Variants in CCDC83 observed in about 807,000 individuals in gnomAD.
CCDC83 encodes coiled-coil domain-containing protein 83.
Under a neutral mutation model 50.1 loss-of-function variants are expected in CCDC83, and 54 were observed. The ratio of observed to expected loss-of-function variants is 1.08; its 90% CI spans 0.87 to 1.35. The LOEUF (loss-of-function observed/expected upper bound fraction) is 1.35, where lower values mean the gene tolerates loss of function less well. Among genes scored for constraint, CCDC83 ranks in the 40% most tolerant of loss-of-function variants. The probability of loss-of-function intolerance (pLI) is 0.00; values close to 1 mark genes in which losing one functional copy is unlikely to be tolerated. For synonymous variants in CCDC83, 161 were observed against 153.3 expected (o/e 1.05, Z -0.37); for missense variants, 518 against 473.9 (o/e 1.09, Z -0.86).
chr11:85,885,308 G>C (rs939265370), intron 4 of CCDC83, among the ~76,000 whole-genome samples: 1 of 152,150 alleles, frequency 6.6e-6, no homozygotes, highest in Non-Finnish European at 1.5e-5. Flanking sequence ...ACCCTGGCCT[G>C]ATTGAAATGC....
chr11:85,884,558 G>T (rs1592158154), intron 4 of CCDC83, among the ~76,000 whole-genome samples: 1 of 152,194 alleles, frequency 6.6e-6, no homozygotes, highest in East Asian at 1.9e-4. Flanking sequence ...TAAGCATAAA[G>T]GGGATGTTAG....
At chr11:85,870,646 GC>G in intron 2 of CCDC83, among the ~76,000 whole-genome samples, 1 of 152,160 alleles carries the variant, frequency 6.6e-6, no homozygotes, top group South Asian at 2.1e-4. Context: ...AGGAGTTCAA[GC>G]CCAGCCTGGG....
In CCDC83 at chr11:85,911,350, G is replaced by A; in HGVS notation, c.742G>A (p.Val248Met). ...AIHELEAENL[V>M]LIDQLSNCRL... ...TCATGAACTGGAAGCAGAAAATTTG[G>A]TGCTTATTGATCAACTATCCAACTG... Residue 248 changes from valine to methionine, a missense_variant, in exon 8 of 11, where the codon GTG (valine) becomes ATG (methionine). Transcript: ENST00000342404. The A allele has an allele frequency of 1.2e-6, 2 of 1,611,430 alleles. No individual in the cohort carries two copies. The highest frequency in any genetic ancestry group is 1.7e-6 in the Non-Finnish European group (2 of 1,178,844).
At chr11:85,893,815 G>A (rs1457761965) in intron 5 of CCDC83, among the ~76,000 whole-genome samples, 2 of 152,144 alleles carry the variant, frequency 1.3e-5, no homozygotes, top group African/African-American at 4.8e-5. Context: ...ATCACCCCCA[G>A]ATGGGACCAT....
At chr11:85,887,800 AC>A (rs935150215) in intron 5 of CCDC83, among the ~76,000 whole-genome samples, 2 of 113,388 alleles carry the variant, frequency 1.8e-5, no homozygotes, top group African/African-American at 6.7e-5. Flanking sequence ...GTTTTATTGT[AC>A]CTTTTTTTTT....
intron 5 of CCDC83, among the ~76,000 whole-genome samples, chr11:85,892,386 C>G (rs952072665): frequency 2.0e-5 from 3 of 152,214 alleles, no homozygotes; most frequent in Non-Finnish European, 4.4e-5. Context: ...GAAGCATCAT[C>G]TGAATCACAG....
chr11:85,918,728 C>G (rs1424933134), intron 10 of CCDC83, among the ~76,000 whole-genome samples: 2 of 152,040 alleles, frequency 1.3e-5, no homozygotes, highest in Admixed American at 6.6e-5. Context: ...GACTTGGAGG[C>G]CTTCAATATT....
intron 9 of CCDC83, 52 bp from the exon 10 acceptor site, chr11:85,915,975 AT>A (rs1207117220): frequency 8.2e-7 from 1 of 1,223,414 alleles, no homozygotes; most frequent in Non-Finnish European, 1.2e-6. Flanking sequence ...TTGCATTTTT[AT>A]TTGTATATGT....
intron 1 of CCDC83, among the ~76,000 whole-genome samples, chr11:85,864,273 C>T (rs1260229808): frequency 6.6e-6 from 1 of 152,224 alleles, no homozygotes; most frequent in Non-Finnish European, 1.5e-5. Flanking sequence ...TTCTACCACA[C>T]TTAACTACTG....
intron 1 of CCDC83, among the ~76,000 whole-genome samples, chr11:85,861,305 A>G (rs905030251): frequency 2.6e-5 from 4 of 152,212 alleles, no homozygotes; most frequent in Non-Finnish European, 5.9e-5. Flanking sequence ...CTGCATTACT[A>G]CTACTACTAT....
At chr11:85,903,704 G>C (rs554250057) in intron 7 of CCDC83, among the ~76,000 whole-genome samples, 1 of 152,230 alleles carries the variant, frequency 6.6e-6, no homozygotes, top group East Asian at 1.9e-4. Context: ...CTCTGCCATG[G>C]TCCTAGTTCA....
At chr11:85,888,420 T>C (rs1238836637) in intron 5 of CCDC83, among the ~76,000 whole-genome samples, 1 of 152,242 alleles carries the variant, frequency 6.6e-6, no homozygotes, top group East Asian at 1.9e-4. Context: ...TTTCATAACT[T>C]CAAGAGCTAT....
chr11:85,880,629 C>T (rs1044272907), intron 3 of CCDC83, among the ~76,000 whole-genome samples: 8 of 151,714 alleles, frequency 5.3e-5, no homozygotes, highest in Admixed American at 2.0e-4. Flanking sequence ...TATGCAAGTC[C>T]TATACATGTT....
At chr11:85,891,160 C>T (rs2093349039) in intron 5 of CCDC83, among the ~76,000 whole-genome samples, 1 of 152,220 alleles carries the variant, frequency 6.6e-6, no homozygotes, top group Non-Finnish European at 1.5e-5. Flanking sequence ...CTACTTCCCA[C>T]AGAACAGTCC....
chr11:85,882,266 A>T (rs2093304397), intron 3 of CCDC83, among the ~76,000 whole-genome samples: 2 of 152,108 alleles, frequency 1.3e-5, no homozygotes, highest in Admixed American at 1.3e-4. Flanking sequence ...AAACCTGGAC[A>T]TTTTTTTAAT....
Position 85,882,804 on chromosome 11 carries a change from A to G in CCDC83, c.343+129A>G, listed in dbSNP as rs550326202. 7.6e-6 allele frequency: 6 copies of G among 792,976 alleles called. No homozygotes were observed. In the East Asian group the frequency reaches 8.1e-5, roughly 11 times the overall value. The allele number at this position is 792,976 out of a possible 1,614,324, so 49.1% of individuals were successfully genotyped here. A position where few individuals can be genotyped will look rare whatever the true frequency, so the allele number is the denominator to read the frequency against. ...TTTTAAACGGCATCATTACCACCGC[A>G]GCCACAAACACATGTAGGTAAATGG... is the stretch of plus-strand genomic sequence containing the variant. On this transcript the variant is annotated intron_variant, in intron 4 of 10. Coordinates refer to ENST00000342404, the MANE Select transcript of CCDC83 (RefSeq NM_001286159.2).
At chr11:85,861,043 C>T (rs2153681738) in intron 1 of CCDC83, among the ~76,000 whole-genome samples, 1 of 151,986 alleles carries the variant, frequency 6.6e-6, no homozygotes, top group African/African-American at 2.4e-5. Context: ...GGTTATTTAT[C>T]ACTAGTTAGG....
intron 7 of CCDC83, 26 bp downstream of exon 7, chr11:85,899,041 A>C: frequency 6.5e-7 from 1 of 1,528,142 alleles, no homozygotes; most frequent in Non-Finnish European, 9.0e-7. Flanking sequence ...CAAAACAAAC[A>C]ATTTCTTCGT....
intron 1 of CCDC83, among the ~76,000 whole-genome samples, chr11:85,862,542 G>C (rs1311521003): frequency 6.6e-6 from 1 of 152,074 alleles, no homozygotes; most frequent in Admixed American, 6.6e-5. Context: ...TTTATAATTG[G>C]GGGCCAGGTA....
Sources: allele counts gnomAD v4.1 joint callset (sites outside exome capture counted in the v4.1 genomes callset), GRCh38; gene constraint gnomAD v4.1.1; transcripts MANE v1.5; gene names NCBI Gene and HGNC (gene_info 2026-07-23, HGNC 2026-07-21).